The following CDKAL1 variants were observed in gnomAD, a reference collection of about 807,000 sequenced individuals.
The protein encoded by CDKAL1 is CDKAL1 threonylcarbamoyladenosine tRNA methylthiotransferase.
In CDKAL1, 32 loss-of-function variants were observed where a neutral mutation model predicts 68.2. That is an observed-to-expected ratio of 0.47 (90% CI 0.35 to 0.63). The LOEUF is 0.63. Among genes scored for constraint, CDKAL1 ranks in the 30% least tolerant of loss-of-function variants. CDKAL1 has a pLI of 0.00. For synonymous variants in CDKAL1, 234 were observed against 244.3 expected, an observed-to-expected ratio of 0.96 and a Z score of 0.39; for missense variants, 606 against 696.7, an observed-to-expected ratio of 0.87 and a Z score of 1.47.
intron 13 of CDKAL1, among the ~76,000 whole-genome samples, chr6:21,142,375 C>G (rs536062087): frequency 6.6e-6 from 1 of 151,872 alleles, no homozygotes; most frequent in East Asian, 1.9e-4. Flanking sequence ...GACTGGGACA[C>G]CATAGAATCT....
chr6:20,925,504 GAAAT>G (rs1763146644), intron 9 of CDKAL1, among the ~76,000 whole-genome samples: 1 of 152,148 alleles, frequency 6.6e-6, no homozygotes, highest in Non-Finnish European at 1.5e-5. Context: ...TAAGAGTAGA[GAAAT>G]AACAATACCT....
chr6:20,912,825 A>G (rs1762526790), intron 9 of CDKAL1, among the ~76,000 whole-genome samples: 2 of 152,096 alleles, frequency 1.3e-5, no homozygotes, highest in Admixed American at 1.3e-4. Flanking sequence ...TACAGAATTT[A>G]CTTTCTGAAT....
chr6:21,105,619 T>C (rs1446855638), intron 12 of CDKAL1, among the ~76,000 whole-genome samples: 1 of 152,152 alleles, frequency 6.6e-6, no homozygotes, highest in Non-Finnish European at 1.5e-5. Flanking sequence ...GTATGCGGCA[T>C]TGGGGAGGTA....
Position 20,649,384 on chromosome 6 carries a change from A to G in CDKAL1, c.371+7A>G. The G allele has an allele frequency of 1.3e-6, 2 of 1,521,240 alleles. No homozygotes were observed. Among genetic ancestry groups the G allele is most frequent in the South Asian group, 1.2e-5 (1 of 84,750 alleles). 94.2% of individuals were successfully genotyped at this position (1,521,240 alleles called of 1,614,324 possible). Reference sequence around the variant, plus strand: ...ACTTTAGAAACTCAATTAAGTAAGTAGAAATTGATTTTTTCCTATTTTGTA... The same window carrying G: ...ACTTTAGAAACTCAATTAAGTAAGTGGAAATTGATTTTTTCCTATTTTGTA... On this transcript the variant is annotated splice_region_variant and intron_variant, in intron 5 of 15. Transcript: ENST00000274695.
chr6:20,822,128 C>A (rs1777307149), intron 8 of CDKAL1, among the ~76,000 whole-genome samples: 1 of 152,134 alleles, frequency 6.6e-6, no homozygotes, highest in Non-Finnish European at 1.5e-5. Flanking sequence ...TATTTACTGT[C>A]TGGCTCTTTC....
intron 5 of CDKAL1, among the ~76,000 whole-genome samples, chr6:20,733,779 T>G (rs574967606): frequency 3.3e-5 from 5 of 152,338 alleles, no homozygotes; most frequent in African/African-American, 1.2e-4. Context: ...TTCTTAAATC[T>G]TAATCTTCTC....
At chr6:20,845,450 T>C (rs1197931562) in intron 8 of CDKAL1, among the ~76,000 whole-genome samples, 1 of 152,124 alleles carries the variant, frequency 6.6e-6, no homozygotes, top group Non-Finnish European at 1.5e-5. Context: ...ATTTTTTAAT[T>C]TTTTAAAGCT....
Position 20,767,460 on chromosome 6 carries a change from A to AT in CDKAL1, c.517+8826dup, listed in dbSNP as rs76385041. 2.4e-3 allele frequency among the ~76,000 whole-genome samples: 359 copies of AT among 151,920 alleles called. 3 individuals carry two copies. The highest frequency in any genetic ancestry group is 7.8e-3 in the African/African-American group (324 of 41,514). On this transcript the variant is annotated intron_variant, in intron 7 of 15. Transcript: ENST00000274695. ...TAGGACATAGAAATTATCATCTTCAATTTTTTTTTAAAAAAACAAAGATTT... is the reference window on the plus strand; with the variant it reads ...TAGGACATAGAAATTATCATCTTCAATTTTTTTTTTAAAAAAACAAAGATTT...
intron 7 of CDKAL1, among the ~76,000 whole-genome samples, chr6:20,772,480 T>C (rs1244109417): frequency 1.3e-5 from 2 of 152,212 alleles, no homozygotes; most frequent in Non-Finnish European, 2.9e-5. Flanking sequence ...GCAAAAGATA[T>C]AGTAATTAAA....
chr6:20,788,003 T>C (rs1239312228), intron 8 of CDKAL1, among the ~76,000 whole-genome samples: 1 of 152,236 alleles, frequency 6.6e-6, no homozygotes, highest in African/African-American at 2.4e-5. Context: ...CCAATCTACT[T>C]ATCTTGAGTG....
intron 4 of CDKAL1, among the ~76,000 whole-genome samples, chr6:20,606,552 T>C (rs919969452): frequency 2.0e-5 from 3 of 152,138 alleles, no homozygotes; most frequent in Non-Finnish European, 4.4e-5. Context: ...AAATACAGGG[T>C]GAGAAAAGTG....
intron 9 of CDKAL1, among the ~76,000 whole-genome samples, chr6:20,849,050 G>A (rs1758854882): frequency 6.6e-6 from 1 of 151,858 alleles, no homozygotes; most frequent in African/African-American, 2.4e-5. Flanking sequence ...CTCCCAAAGT[G>A]CTGGGATTAC....
intron 8 of CDKAL1, among the ~76,000 whole-genome samples, chr6:20,789,890 ATTTCATATGTTTGTTCTTT>A (rs1775824651): frequency 6.6e-6 from 1 of 152,196 alleles, no homozygotes; most frequent in South Asian, 2.1e-4. Context: ...CAGCTTATTT[ATTTCATATGTTTGTTCTTT>A]AAGAAGACCA....
At position 20,669,835 on chromosome 6, in the gene CDKAL1, G is replaced by T. The variant is rs1230965689; in HGVS notation, c.371+20458G>T. ...AACTGTGTGAAGAAACCGCAATCTG[G>T]GCACTAGATATGCTCATTGCTACTA... On this transcript the variant is annotated intron_variant, in intron 5 of 15. Coordinates refer to ENST00000274695, the MANE Select transcript of CDKAL1 (RefSeq NM_017774.3). 6.6e-5 allele frequency among the ~76,000 whole-genome samples: 10 copies of T among 151,930 alleles called. No individual in the cohort carries two copies. In the South Asian group the frequency reaches 2.1e-3, roughly 32 times the overall value.
intron 9 of CDKAL1, among the ~76,000 whole-genome samples, chr6:20,941,101 A>G (rs1053735450): frequency 5.3e-5 from 8 of 151,860 alleles, no homozygotes; most frequent in African/African-American, 1.9e-4. Context: ...AAAAAGAAAA[A>G]AAAAAAAAAG....
intron 4 of CDKAL1, among the ~76,000 whole-genome samples, chr6:20,566,118 T>C (rs952675393): frequency 3.3e-5 from 5 of 152,076 alleles, no homozygotes; most frequent in Non-Finnish European, 7.4e-5. Flanking sequence ...TTTGGGTAGG[T>C]AGTAAAATGT....
intron 4 of CDKAL1, among the ~76,000 whole-genome samples, chr6:20,626,204 A>G (rs549291745): frequency 1.8e-4 from 27 of 152,122 alleles, no homozygotes; most frequent in African/African-American, 6.3e-4. Flanking sequence ...TGCCTCTGTT[A>G]TATGCAGAAC....
intron 9 of CDKAL1, among the ~76,000 whole-genome samples, chr6:20,867,253 T>C (rs1326560074): frequency 6.6e-6 from 1 of 152,196 alleles, no homozygotes; most frequent in Non-Finnish European, 1.5e-5. Flanking sequence ...TCTTTGTTTC[T>C]GTATGGAAGA....
chr6:20,940,304 G>A (rs1268778797), intron 9 of CDKAL1, among the ~76,000 whole-genome samples: 1 of 152,002 alleles, frequency 6.6e-6, no homozygotes, highest in Non-Finnish European at 1.5e-5. Context: ...TGATTAATTA[G>A]GAGAAAGTAT....
Sources: gnomAD v4.1 joint callset for allele counts (sites outside exome capture counted in the v4.1 genomes callset) on GRCh38, gnomAD v4.1.1 for gene constraint, MANE v1.5 for transcripts, NCBI Gene and HGNC (gene_info 2026-07-23, HGNC 2026-07-21) for gene names.